Variants in SPON1 observed in about 807,000 individuals in gnomAD.
The protein encoded by SPON1 is spondin-1.
SPON1 carries 52 observed loss-of-function variants against 111.7 expected under a neutral mutation model. That is an observed-to-expected ratio of 0.47 (90% CI 0.37 to 0.59). The LOEUF is 0.59. Ranked by LOEUF, SPON1 falls within the 20% of genes least tolerant of loss-of-function variation. SPON1 has a pLI of 0.00. For missense variants in SPON1, 957 were observed against 1,068.5 expected (o/e 0.90, Z 1.46); for synonymous variants, 410 against 395.8 (o/e 1.04, Z -0.43).
chr11:14,262,822 G>A lies in SPON1; in HGVS notation c.2107G>A (p.Gly703Ser), dbSNP rs1849202696. The change falls in exon 15 of 16, where the codon GGT becomes AGT. Residue 703 changes from glycine (G) to serine (S), a missense_variant. Gly to Ser is a moderately conservative substitution (Grantham distance 56). Coordinates refer to ENST00000576479, the MANE Select transcript of SPON1 (RefSeq NM_006108.4). Reference sequence around the variant, plus strand: ...GATCCAAATGGAGCCTCAGTTTGGAGGTGCACCCTGCCCAGAGACTGTGCA... The same window carrying A: ...GATCCAAATGGAGCCTCAGTTTGGAAGTGCACCCTGCCCAGAGACTGTGCA... ...RMIQMEPQFG[G>S]APCPETVQRK... is the part of the protein sequence containing the mutation. 2 of 1,613,792 alleles carry A rather than the reference G, an allele frequency of 1.2e-6. No individual in the cohort carries two copies. The highest frequency in any genetic ancestry group is 1.3e-5 in the African/African-American group (1 of 74,886).
intron 6 of SPON1, among the ~76,000 whole-genome samples, chr11:14,231,839 G>A (rs1292087723): frequency 8.5e-5 from 13 of 152,234 alleles, no homozygotes; most frequent in African/African-American, 2.6e-4. Flanking sequence ...ATACGTGTGT[G>A]TGTGTGTGAG....
At chr11:14,188,332 TCCTGGACACA>T (rs1848309506) in intron 6 of SPON1, among the ~76,000 whole-genome samples, 2 of 152,200 alleles carry the variant, frequency 1.3e-5, no homozygotes, top group South Asian at 4.2e-4. Context: ...AGAAGATAAG[TCCTGGACACA>T]GTCCAGGACT....
rs1554942025 is a variant in SPON1, at chr11:14,262,718, A to T, written c.2003A>T (p.Asp668Val). ...EKCMLPECPI[D>V]CELTEWSQWS... Reference sequence around the variant, plus strand: ...CCCATCTGTGTCTTGCCAGCCATTGACTGTGAGCTCACCGAGTGGTCCCAG... The same window carrying T: ...CCCATCTGTGTCTTGCCAGCCATTGTCTGTGAGCTCACCGAGTGGTCCCAG... Residue 668 changes from aspartate (D) to valine (V), a missense_variant, in exon 15 of 16, where the codon GAC (aspartate) becomes GTC (valine). Coordinates refer to ENST00000576479, the MANE Select transcript of SPON1 (RefSeq NM_006108.4). 1 of 1,613,940 alleles carries T rather than the reference A, an allele frequency of 6.2e-7. No individual in the cohort carries two copies. Among genetic ancestry groups the T allele is most frequent in the South Asian group, 1.1e-5 (1 of 91,064 alleles).
intron 5 of SPON1, among the ~76,000 whole-genome samples, chr11:14,096,448 G>A (rs1554923875): frequency 2.0e-5 from 3 of 152,220 alleles, no homozygotes; most frequent in African/African-American, 7.2e-5. Context: ...TTGGGAGGGT[G>A]ACGTCGAGGG....
intron 2 of SPON1, among the ~76,000 whole-genome samples, chr11:14,011,596 ATTG>A (rs1395080759): frequency 2.0e-5 from 3 of 151,966 alleles, no homozygotes; most frequent in Admixed American, 6.6e-5. Context: ...AGAATTTCCT[ATTG>A]TTCTCAAGTC....
chr11:14,036,883 G>T (rs1848598241), intron 2 of SPON1, among the ~76,000 whole-genome samples: 1 of 152,140 alleles, frequency 6.6e-6, no homozygotes, highest in Non-Finnish European at 1.5e-5. Context: ...TGAGAAGAAG[G>T]ATGACATAGG....
At chr11:13,978,128 T>G (rs1564877736) in intron 1 of SPON1, among the ~76,000 whole-genome samples, 1 of 152,210 alleles carries the variant, frequency 6.6e-6, no homozygotes, top group Non-Finnish European at 1.5e-5. Flanking sequence ...CTTACCTTGC[T>G]ATAGTCCACT....
At chr11:14,000,660 C>T (rs1333476774) in intron 2 of SPON1, among the ~76,000 whole-genome samples, 1 of 151,838 alleles carries the variant, frequency 6.6e-6, no homozygotes, top group African/African-American at 2.4e-5. Flanking sequence ...GCCCATTTTC[C>T]CCCCAAAGTC....
intron 15 of SPON1, 29 bp from the exon 16 acceptor site, chr11:14,265,495 G>C (rs1849254270): frequency 6.2e-7 from 1 of 1,603,400 alleles, no homozygotes; most frequent in Non-Finnish European, 8.5e-7. Context: ...CGTTTCTGCG[G>C]GCCTAACAAG....
chr11:14,170,527 A>G (rs1848085492), intron 6 of SPON1, among the ~76,000 whole-genome samples: 1 of 152,054 alleles, frequency 6.6e-6, no homozygotes, highest in African/African-American at 2.4e-5. Flanking sequence ...AGCTTCCAAC[A>G]CTATGTTGAA....
chr11:14,177,113 T>A (rs1467206169), intron 6 of SPON1, among the ~76,000 whole-genome samples: 4 of 152,174 alleles, frequency 2.6e-5, no homozygotes, highest in Non-Finnish European at 4.4e-5. Context: ...CCATCTCAGC[T>A]CACTGCAAGC....
At chr11:14,225,269 A>AATTGTTTTT (rs1219550165) in intron 6 of SPON1, among the ~76,000 whole-genome samples, 9 of 152,184 alleles carry the variant, frequency 5.9e-5, no homozygotes, top group African/African-American at 2.2e-4. Flanking sequence ...TGGGATTATG[A>AATTGTTTTT]ATTGTTTTTA....
chr11:14,242,589 AT>A (rs1262585999), intron 6 of SPON1, among the ~76,000 whole-genome samples: 2 of 152,256 alleles, frequency 1.3e-5, no homozygotes, highest in African/African-American at 4.8e-5. Flanking sequence ...GTAATTGAAA[AT>A]AAAAACCCAA....
At chr11:14,095,837 G>A (rs1023513300) in intron 5 of SPON1, among the ~76,000 whole-genome samples, 4 of 152,202 alleles carry the variant, frequency 2.6e-5, no homozygotes, top group Non-Finnish European at 5.9e-5. Context: ...ACCCAATGGC[G>A]CAGCTGACAC....
intron 2 of SPON1, among the ~76,000 whole-genome samples, chr11:14,005,408 AC>A (rs1336041264): frequency 4.6e-5 from 7 of 152,082 alleles, no homozygotes; most frequent in African/African-American, 1.7e-4. Flanking sequence ...CTGTCCTGTA[AC>A]CTTTTCTGTC....
At chr11:13,965,247 A>C (rs1848007354) in intron 1 of SPON1, among the ~76,000 whole-genome samples, 1 of 152,178 alleles carries the variant, frequency 6.6e-6, no homozygotes, top group Non-Finnish European at 1.5e-5. Context: ...AATTAATTGA[A>C]TGAATGAATG....
intron 7 of SPON1, among the ~76,000 whole-genome samples, chr11:14,248,508 C>T (rs1333690633): frequency 1.3e-5 from 2 of 152,200 alleles, no homozygotes; most frequent in East Asian, 3.9e-4. Context: ...ACACTCAGAC[C>T]TCCCAAACAC....
chr11:14,208,247 A>G (rs1848536049), intron 6 of SPON1, among the ~76,000 whole-genome samples: 1 of 152,148 alleles, frequency 6.6e-6, no homozygotes, highest in Admixed American at 6.5e-5. Context: ...AAAAATAACT[A>G]ATGGGTACTG....
In SPON1 at chr11:14,214,944, A is replaced by T. The variant is rs536664230; in HGVS notation, c.826-28388A>T. 2.0e-5 allele frequency among the ~76,000 whole-genome samples: 3 copies of T among 152,346 alleles called. No homozygotes were observed. In the South Asian group the frequency reaches 6.2e-4, roughly 32 times the overall value. The stretch of plus-strand genomic sequence containing the variant: ...TTTGTGGACTTTTACTATTTCATTA[A>T]GTGAAAAGTTTGGAGATAGGTAATT... On this transcript the variant is annotated intron_variant, in intron 6 of 15. Transcript: ENST00000576479.
Sources: gnomAD v4.1 joint callset for allele counts (sites outside exome capture counted in the v4.1 genomes callset) on GRCh38, gnomAD v4.1.1 for gene constraint, MANE v1.5 for transcripts, NCBI Gene and HGNC (gene_info 2026-07-23, HGNC 2026-07-21) for gene names.